The following ADAM23 variants were observed in gnomAD, a reference collection of about 807,000 sequenced individuals.
The protein encoded by ADAM23 is disintegrin and metalloproteinase domain-containing protein 23.
ADAM23 carries 33 observed loss-of-function variants against 120.1 expected under a neutral mutation model. That is an observed-to-expected ratio of 0.27 (90% CI 0.21 to 0.37). ADAM23 has a LOEUF of 0.37. Ranked by LOEUF, ADAM23 falls within the 10% of genes least tolerant of loss-of-function variation. The pLI is 1.00. For missense variants in ADAM23, 862 were observed against 1,058.2 expected, an observed-to-expected ratio of 0.81 and a Z score of 2.57; for synonymous variants, 367 against 375.2, an observed-to-expected ratio of 0.98 and a Z score of 0.25.
chr2:206,503,318 C>G (rs1216996647), intron 3 of ADAM23, among the ~76,000 whole-genome samples: 1 of 152,018 alleles, frequency 6.6e-6, no homozygotes, highest in East Asian at 1.9e-4. Flanking sequence ...TGATTTCTTA[C>G]AGTAGACAAG....
At chr2:206,611,490 A>C (rs1559289071) in intron 25 of ADAM23, among the ~76,000 whole-genome samples, 1 of 152,042 alleles carries the variant, frequency 6.6e-6, no homozygotes, top group Non-Finnish European at 1.5e-5. Context: ...GTACTGCCAT[A>C]CTCTTATTAT....
intron 18 of ADAM23, among the ~76,000 whole-genome samples, chr2:206,583,815 C>T (rs1360957263): frequency 6.6e-6 from 1 of 152,098 alleles, no homozygotes; most frequent in East Asian, 1.9e-4. Flanking sequence ...TGGTCTCTCC[C>T]TGATTAGCTT....
At chr2:206,457,766 C>T (rs900726841) in intron 2 of ADAM23, among the ~76,000 whole-genome samples, 9 of 152,126 alleles carry the variant, frequency 5.9e-5, no homozygotes, top group East Asian at 1.9e-4. Flanking sequence ...GTCAGACATT[C>T]GTACCATTCT....
intron 3 of ADAM23, among the ~76,000 whole-genome samples, chr2:206,484,426 A>T (rs1457792837): frequency 6.6e-6 from 1 of 152,036 alleles, no homozygotes; most frequent in Non-Finnish European, 1.5e-5. Context: ...GTTGTTTTTT[A>T]TATTTTATTT....
intron 3 of ADAM23, among the ~76,000 whole-genome samples, chr2:206,509,244 AAC>A (rs930062400): frequency 6.6e-6 from 1 of 152,190 alleles, no homozygotes; most frequent in African/African-American, 2.4e-5. Flanking sequence ...AAAAGTGAAA[AAC>A]AGATTCGTAT....
intron 2 of ADAM23, among the ~76,000 whole-genome samples, chr2:206,477,893 A>ATATATATATATAT (rs1199167461): frequency 1.6e-3 from 157 of 100,858 alleles, no homozygotes; most frequent in Admixed American, 2.7e-3. Context: ...AAAAAAAAAA[A>ATATATATATATAT]AAAAATATAT....
chr2:206,617,305 G>C (rs1698952470), intron 25 of ADAM23, among the ~76,000 whole-genome samples: 1 of 152,186 alleles, frequency 6.6e-6, no homozygotes, highest in African/African-American at 2.4e-5. Context: ...TTGGGCCGCA[G>C]AGTCTTCCTG....
intron 2 of ADAM23, among the ~76,000 whole-genome samples, chr2:206,466,239 G>A (rs1471784801): frequency 6.6e-6 from 1 of 152,174 alleles, no homozygotes; most frequent in African/African-American, 2.4e-5. Context: ...GATCCATGTG[G>A]TTTGTTAGAG....
At chr2:206,598,897 G>A (rs536217788) in intron 24 of ADAM23, among the ~76,000 whole-genome samples, 93 of 146,894 alleles carry the variant, frequency 6.3e-4, no homozygotes, top group African/African-American at 2.2e-3. Flanking sequence ...GAGACACTGA[G>A]CCCCCTACTC....
chr2:206,465,509 T>C (rs1485743031), intron 2 of ADAM23, among the ~76,000 whole-genome samples: 1 of 152,204 alleles, frequency 6.6e-6, no homozygotes, highest in Non-Finnish European at 1.5e-5. Flanking sequence ...AGTCCTCTAC[T>C]TTTGGAAAAA....
intron 6 of ADAM23, among the ~76,000 whole-genome samples, chr2:206,545,550 A>G (rs1432704025): frequency 2.6e-5 from 4 of 152,206 alleles, no homozygotes; most frequent in African/African-American, 9.7e-5. Flanking sequence ...TACTGATAAT[A>G]AAAGCTGAAC....
intron 3 of ADAM23, 65 bp downstream of exon 3, chr2:206,481,373 G>A: frequency 1.6e-6 from 2 of 1,228,784 alleles, no homozygotes; most frequent in South Asian, 1.5e-5. Flanking sequence ...TATAATATCG[G>A]TTTAGTCAAA....
intron 3 of ADAM23, among the ~76,000 whole-genome samples, chr2:206,481,680 C>T (rs1158403067): frequency 6.6e-6 from 1 of 152,128 alleles, no homozygotes; most frequent in Non-Finnish European, 1.5e-5. Flanking sequence ...CTTTATAATG[C>T]AATTCGCATG....
chr2:206,529,599 A>G (rs1194155916), intron 3 of ADAM23, among the ~76,000 whole-genome samples: 1 of 151,968 alleles, frequency 6.6e-6, no homozygotes, highest in East Asian at 1.9e-4. Flanking sequence ...GGGTCTTGCT[A>G]TGTTGCCAGG....
At chr2:206,617,252 C>A (rs972864154) in intron 25 of ADAM23, among the ~76,000 whole-genome samples, 2 of 152,118 alleles carry the variant, frequency 1.3e-5, no homozygotes, top group African/African-American at 2.4e-5. Context: ...TAATTTTCAC[C>A]TAATGAATTA....
chr2:206,467,425 G>A (rs1440119500), intron 2 of ADAM23, among the ~76,000 whole-genome samples: 2 of 152,276 alleles, frequency 1.3e-5, no homozygotes, highest in Non-Finnish European at 2.9e-5. Flanking sequence ...CCCCATGCAA[G>A]TCTGAAACCC....
intron 14 of ADAM23, among the ~76,000 whole-genome samples, 162 bp downstream of exon 14, chr2:206,565,230 T>A (rs1035374314): frequency 2.6e-5 from 4 of 152,210 alleles, no homozygotes; most frequent in Non-Finnish European, 5.9e-5. Flanking sequence ...TAATTTACTT[T>A]GTATTTTAAT....
At chr2:206,447,934 A>G (rs1304941954) in intron 2 of ADAM23, among the ~76,000 whole-genome samples, 1 of 152,326 alleles carries the variant, frequency 6.6e-6, no homozygotes, top group South Asian at 2.1e-4. Flanking sequence ...AATTTCGTAA[A>G]TGTTCAATGT....
chr2:206,473,347 C>G (rs1695699641), intron 2 of ADAM23, among the ~76,000 whole-genome samples: 1 of 152,120 alleles, frequency 6.6e-6, no homozygotes, highest in Admixed American at 6.6e-5. Flanking sequence ...TCTCCAGCCC[C>G]CAGCAGACTC....
Sources: gnomAD v4.1 joint callset for allele counts (sites outside exome capture counted in the v4.1 genomes callset) on GRCh38, gnomAD v4.1.1 for gene constraint, MANE v1.5 for transcripts, NCBI Gene and HGNC (gene_info 2026-07-23, HGNC 2026-07-21) for gene names.